The following LSAMP variants were observed in gnomAD, a reference collection of about 807,000 sequenced individuals.
The protein encoded by LSAMP is limbic system-associated membrane protein.
LSAMP carries 7 observed loss-of-function variants against 38.6 expected under a neutral mutation model. The observed-to-expected ratio is 0.18, with a 90% CI of 0.10 to 0.34. The LOEUF (loss-of-function observed/expected upper bound fraction) is 0.34, where lower values mean the gene tolerates loss of function less well. LSAMP is among the 10% of genes least tolerant of loss of function. The pLI is 1.00. For synonymous variants in LSAMP, 154 were observed against 166.8 expected (o/e 0.92, Z 0.59); for missense variants, 313 against 420.0 (o/e 0.75, Z 2.23).
intron 1 of LSAMP, among the ~76,000 whole-genome samples, chr3:116,255,184 C>T (rs749450891): frequency 3.3e-5 from 5 of 152,054 alleles, no homozygotes; most frequent in Admixed American, 6.6e-5. Context: ...TAATAACTTG[C>T]TTATGTACTG....
intron 1 of LSAMP, among the ~76,000 whole-genome samples, chr3:116,246,957 C>A (rs1235882482): frequency 6.6e-6 from 1 of 152,168 alleles, no homozygotes; most frequent in Non-Finnish European, 1.5e-5. Context: ...ACAAGGCTCA[C>A]ATCAGCTTTT....
At chr3:116,071,974 C>CTTT (rs34359160) in intron 2 of LSAMP, among the ~76,000 whole-genome samples, 17 of 130,120 alleles carry the variant, frequency 1.3e-4, no homozygotes, top group East Asian at 2.1e-4. Flanking sequence ...GTATATGTAG[C>CTTT]TTTTTTTTTT....
At chr3:116,087,872 T>A (rs894355709) in intron 1 of LSAMP, among the ~76,000 whole-genome samples, 4 of 151,982 alleles carry the variant, frequency 2.6e-5, no homozygotes. Context: ...TTTAAACGAA[T>A]TGTATATGTT....
In LSAMP at chr3:115,845,558, C is replaced by T. The variant is rs189685950; in HGVS notation, c.650-2980G>A. ...TTCCTTTTGGGACCAAGCTTCTGGC[C>T]GGTAGCAGAGGTTCTCCTCTTTTCT... On this transcript the variant is annotated intron_variant, in intron 4 of 6. Coordinates refer to ENST00000490035, the MANE Select transcript of LSAMP (RefSeq NM_002338.5). Among the ~76,000 whole-genome samples the T allele has an allele frequency of 2.9e-4, 40 of 136,992 alleles. No homozygotes were observed. The East Asian group carries it at 6.8e-3, about 23-fold the overall frequency. 89.9% of individuals were successfully genotyped at this position (136,992 alleles called of 152,430 possible).
intron 3 of LSAMP, among the ~76,000 whole-genome samples, chr3:115,977,894 G>A (rs1229153239): frequency 4.6e-5 from 7 of 152,090 alleles, no homozygotes; most frequent in African/African-American, 1.7e-4. Context: ...CTGAAGAACT[G>A]AATAAATTAA....
intron 3 of LSAMP, among the ~76,000 whole-genome samples, chr3:115,947,666 AT>A (rs1938145895): frequency 6.6e-6 from 1 of 152,196 alleles, no homozygotes; most frequent in African/African-American, 2.4e-5. Flanking sequence ...GCACATTATA[AT>A]TCAATAAAAA....
At chr3:116,130,322 C>T (rs1043972027) in intron 1 of LSAMP, among the ~76,000 whole-genome samples, 1 of 152,116 alleles carries the variant, frequency 6.6e-6, no homozygotes, top group Non-Finnish European at 1.5e-5. Context: ...ATTTAGTATA[C>T]AAAGACAAAG....
chr3:116,158,964 G>A (rs779018125), intron 1 of LSAMP, among the ~76,000 whole-genome samples: 1 of 151,700 alleles, frequency 6.6e-6, no homozygotes, highest in Non-Finnish European at 1.5e-5. Flanking sequence ...AAAGCTGGAG[G>A]CATCATGTGA....
chr3:115,941,423 G>A (rs1201106571), intron 3 of LSAMP, among the ~76,000 whole-genome samples: 1 of 152,068 alleles, frequency 6.6e-6, no homozygotes, highest in Non-Finnish European at 1.5e-5. Context: ...CCACTTCTTG[G>A]TATGTATCCA....
At chr3:116,069,229 C>T (rs1707538502) in intron 2 of LSAMP, among the ~76,000 whole-genome samples, 1 of 152,238 alleles carries the variant, frequency 6.6e-6, no homozygotes, top group Non-Finnish European at 1.5e-5. Flanking sequence ...TTTCAGCTCA[C>T]TGGCCAGGCC....
At chr3:116,129,077 A>G (rs1709069375) in intron 1 of LSAMP, among the ~76,000 whole-genome samples, 1 of 152,176 alleles carries the variant, frequency 6.6e-6, no homozygotes, top group Admixed American at 6.5e-5. Flanking sequence ...AACTAACTAT[A>G]TTTACATTAA....
At chr3:116,224,520 C>A (rs1205039326) in intron 1 of LSAMP, among the ~76,000 whole-genome samples, 1 of 152,208 alleles carries the variant, frequency 6.6e-6, no homozygotes, top group Non-Finnish European at 1.5e-5. Context: ...CAGATTGGAA[C>A]AGGGATATAT....
At chr3:116,314,461 C>A (rs1294517197) in intron 1 of LSAMP, among the ~76,000 whole-genome samples, 2 of 152,160 alleles carry the variant, frequency 1.3e-5, no homozygotes, top group East Asian at 1.9e-4. Context: ...CTGCCAAACA[C>A]TTTTCAGTAA....
chr3:115,955,801 T>C (rs938091155), intron 3 of LSAMP, among the ~76,000 whole-genome samples: 5 of 152,176 alleles, frequency 3.3e-5, no homozygotes, highest in South Asian at 2.1e-4. Flanking sequence ...CATGAGTCTT[T>C]AGAGTTGCCT....
intron 3 of LSAMP, among the ~76,000 whole-genome samples, chr3:115,882,973 C>T (rs1936359959): frequency 6.6e-6 from 1 of 151,960 alleles, no homozygotes; most frequent in South Asian, 2.1e-4. Flanking sequence ...ACTATAGTTA[C>T]TGTAGATACT....
intron 1 of LSAMP, among the ~76,000 whole-genome samples, chr3:116,409,970 C>G (rs1046321194): frequency 9.9e-5 from 15 of 152,116 alleles, no homozygotes; most frequent in African/African-American, 3.4e-4. Context: ...CGACATTTCT[C>G]ACTGAGGCTA....
chr3:115,946,733 T>A (rs1938109691), intron 3 of LSAMP, among the ~76,000 whole-genome samples: 1 of 151,944 alleles, frequency 6.6e-6, no homozygotes, highest in Admixed American at 6.6e-5. Context: ...GCAAAATCTC[T>A]TCCAGAGAAT....
chr3:116,017,618 G>A (rs892275967), intron 3 of LSAMP, among the ~76,000 whole-genome samples: 2 of 151,852 alleles, frequency 1.3e-5, no homozygotes, highest in Admixed American at 1.3e-4. Flanking sequence ...TTTACAGATG[G>A]TCCATAAATT....
intron 3 of LSAMP, among the ~76,000 whole-genome samples, chr3:115,992,488 G>A (rs557978135): frequency 1.3e-3 from 193 of 152,048 alleles, no homozygotes; most frequent in African/African-American, 4.5e-3. Context: ...TTCTATTATC[G>A]GGGTTAAACC....
Sources: gnomAD v4.1 joint callset for allele counts (sites outside exome capture counted in the v4.1 genomes callset) on GRCh38, gnomAD v4.1.1 for gene constraint, MANE v1.5 for transcripts, NCBI Gene and HGNC (gene_info 2026-07-23, HGNC 2026-07-21) for gene names.